CEP350: variants seen among roughly 807,000 people sequenced by gnomAD.
CEP350 encodes centrosome-associated protein 350.
A neutral mutation model predicts 331.8 loss-of-function variants in CEP350; 126 were observed. The observed-to-expected ratio is 0.38, with a 90% confidence interval of 0.33 to 0.44. CEP350 has a LOEUF of 0.44. Among genes scored for constraint, CEP350 ranks in the 20% least tolerant of loss-of-function variants. The pLI is 1.00. For synonymous variants in CEP350, 1,200 were observed against 1,259.5 expected, an observed-to-expected ratio of 0.95 and a Z score of 1.00; for missense variants, 3,406 against 3,634.6, an observed-to-expected ratio of 0.94 and a Z score of 1.62.
At chr1:179,971,769 A>G (rs971401323) in intron 1 of CEP350, among the ~76,000 whole-genome samples, 2 of 152,202 alleles carry the variant, frequency 1.3e-5, no homozygotes, top group African/African-American at 2.4e-5. Flanking sequence ...GTTTGCATTC[A>G]GTCTGCTGTG....
intron 5 of CEP350, 107 bp from the exon 6 acceptor site, chr1:179,996,446 A>G: frequency 1.3e-6 from 1 of 763,640 alleles, no homozygotes; most frequent in Non-Finnish European, 2.1e-6. Context: ...GTATTACCTC[A>G]TTCTTATTTT....
In CEP350 at chr1:180,087,707, C is replaced by G; in HGVS notation, c.6415C>G (p.Pro2139Ala). The change falls in exon 32 of 38, where the codon CCA (proline) becomes GCA (alanine). Residue 2139 changes from proline (P) to alanine (A), a missense_variant. By Grantham distance (27) the Pro-to-Ala change is conservative. Transcript: ENST00000367607. ...AAAACCCAAGATCAAACCCCTCACA[C>G]CACTACACAGGTAGAAATTTTTGAT... ...SEKPKIKPLT[P>A]LHRSETAKNW... 6.5e-7 allele frequency: 1 copy of G among 1,542,688 alleles called. No homozygotes were observed. Among genetic ancestry groups the G allele is most frequent in the Non-Finnish European group, 8.7e-7 (1 of 1,144,688 alleles).
chr1:179,970,669 A>G (rs1027286700), intron 1 of CEP350, among the ~76,000 whole-genome samples: 46 of 152,160 alleles, frequency 3.0e-4, no homozygotes, highest in African/African-American at 1.1e-3. Context: ...AATGCCTGGC[A>G]CTTAGTAGGA....
At chr1:180,036,862 A>G in intron 16 of CEP350, 64 bp from the exon 17 acceptor site, 1 of 1,421,782 alleles carries the variant, frequency 7.0e-7, no homozygotes, top group Non-Finnish European at 9.2e-7. Context: ...AAAATGACAG[A>G]TTTTAGAAAT....
chr1:179,974,469 G>A (rs752713854), intron 1 of CEP350, among the ~76,000 whole-genome samples: 12 of 151,882 alleles, frequency 7.9e-5, no homozygotes, highest in Admixed American at 5.9e-4. Flanking sequence ...ATCTCTAGAT[G>A]GGTAAGAAGA....
chr1:179,955,190 T>C (rs986633545), intron 1 of CEP350, 48 bp downstream of exon 1: 4 of 1,302,984 alleles, frequency 3.1e-6, no homozygotes, highest in South Asian at 2.9e-5. Context: ...TCGCTCAGCC[T>C]CAACTGTCTC....
At position 180,062,275 on chromosome 1, in the gene CEP350, T is replaced by G; in HGVS notation, c.5318T>G (p.Leu1773Arg). The G allele has an allele frequency of 6.2e-7, 1 of 1,610,934 alleles. No homozygotes were observed. The highest frequency in any genetic ancestry group is 8.5e-7 in the Non-Finnish European group (1 of 1,178,342). The part of the protein sequence containing the change: ...ANKAARKERQ[L>R]ILKQQEEIEK... ...AAGGCAGCTCGGAAGGAAAGACAGC[T>G]GATTCTTAAACAGCAGGAGGAGATA... Residue 1773 changes from leucine to arginine, a missense_variant, in exon 26 of 38, where the codon CTG becomes CGG. This residue lies in a region of CEP350 where 1,415 missense variants were observed against 1,512.3 expected (regional missense o/e 0.94). Coordinates refer to ENST00000367607, the MANE Select transcript of CEP350 (RefSeq NM_014810.5).
chr1:180,070,913 G>A (rs1658837210), intron 27 of CEP350, among the ~76,000 whole-genome samples: 1 of 152,128 alleles, frequency 6.6e-6, no homozygotes, highest in Admixed American at 6.5e-5. Flanking sequence ...ACTTTGGGAG[G>A]CCGAGGTGGG....
At position 180,014,430 on chromosome 1, in the gene CEP350, A is replaced by G; in HGVS notation, c.1977A>G (p.Glu659=). The part of the protein sequence containing the change: ...SEPSATRRLQ[E]TYSKLLLEKT... ...CATCAGCAACTAGGCGACTACAGGAAACTTACTCCAAATTGCTACTAGAAA... is the reference window on the plus strand; with the variant it reads ...CATCAGCAACTAGGCGACTACAGGAGACTTACTCCAAATTGCTACTAGAAA... The change falls in exon 10 of 38, where the codon GAA becomes GAG. Residue 659 remains glutamate (E), a synonymous_variant. Transcript: ENST00000367607. 2 of 1,609,276 alleles carry G rather than the reference A, an allele frequency of 1.2e-6. No homozygotes were observed. Among genetic ancestry groups the G allele is most frequent in the South Asian group, 2.2e-5 (2 of 89,654 alleles).
chr1:179,991,553 G>A (rs796705370), intron 4 of CEP350, among the ~76,000 whole-genome samples: 24 of 151,672 alleles, frequency 1.6e-4, no homozygotes, highest in African/African-American at 5.8e-4. Context: ...CTCCCAAAGT[G>A]CAGGGATTAC....
chr1:180,080,435 A>T, intron 29 of CEP350, 82 bp from the exon 30 acceptor site: 1 of 1,192,944 alleles, frequency 8.4e-7, no homozygotes, highest in African/African-American at 1.5e-5. Context: ...TGTTATCTTT[A>T]TATGGCTAGT....
rs888454186 is a variant in CEP350, at chr1:180,031,404, C to G, written c.3635C>G (p.Ser1212Cys). 1.9e-6 allele frequency: 3 copies of G among 1,606,812 alleles called. No individual in the cohort carries two copies. In the African/African-American group the frequency reaches 4.0e-5, roughly 22 times the overall value. Residue 1212 changes from serine to cysteine, a missense_variant, in exon 15 of 38, where the codon TCT becomes TGT. By Grantham distance (112) the Ser-to-Cys change is moderately radical. This residue lies in a region of CEP350 where 1,857 missense variants were observed against 1,909.2 expected (regional missense o/e 0.97). Coordinates refer to ENST00000367607, the MANE Select transcript of CEP350 (RefSeq NM_014810.5). ...AERGSHQGKK[S>C]GTSSKLSVKD... Reference sequence around the variant, plus strand: ...CGTGGCTCCCATCAAGGAAAGAAATCTGGGACCAGCAGCAAACTTTCTGTT... The same window carrying G: ...CGTGGCTCCCATCAAGGAAAGAAATGTGGGACCAGCAGCAAACTTTCTGTT...
intron 1 of CEP350, among the ~76,000 whole-genome samples, chr1:179,985,315 T>C (rs552692705): frequency 2.0e-4 from 30 of 152,364 alleles, no homozygotes; most frequent in South Asian, 1.2e-3. Context: ...TTTCATGTTA[T>C]AGCACATATC....
At chr1:180,102,397 A>G (rs2149172553) in intron 37 of CEP350, among the ~76,000 whole-genome samples, 1 of 152,254 alleles carries the variant, frequency 6.6e-6, no homozygotes, top group East Asian at 1.9e-4. Flanking sequence ...CGGCCTCCCA[A>G]AGTGCTGGGA....
Position 180,093,305 on chromosome 1 carries a change from A to T in CEP350, c.7200A>T (p.Ser2400=), listed in dbSNP as rs1407887227. 1 of 1,598,064 alleles carries T rather than the reference A, an allele frequency of 6.3e-7. No individual in the cohort carries two copies. Among genetic ancestry groups the T allele is most frequent in the African/African-American group, 1.3e-5 (1 of 74,760 alleles). Residue 2400 remains serine, a synonymous_variant, in exon 34 of 38, where the codon TCA becomes TCT. Coordinates refer to ENST00000367607, the MANE Select transcript of CEP350 (RefSeq NM_014810.5). ...TGTACAAAGATGATTTTGAGGTGTCATCTTTGCTGTCACTCAGGAAAGACT... is the reference window on the plus strand; with the variant it reads ...TGTACAAAGATGATTTTGAGGTGTCTTCTTTGCTGTCACTCAGGAAAGACT... ...AELYKDDFEV[S]SLLSLRKDSQ... is the part of the protein sequence containing the mutation.
At chr1:180,063,255 A>G (rs1269125489) in intron 26 of CEP350, among the ~76,000 whole-genome samples, 1 of 149,492 alleles carries the variant, frequency 6.7e-6, no homozygotes, top group Non-Finnish European at 1.5e-5. Context: ...AAATGGTGCA[A>G]TCACAGCTCA....
chr1:180,083,480 G>A (rs1659686617), intron 30 of CEP350, among the ~76,000 whole-genome samples: 1 of 152,130 alleles, frequency 6.6e-6, no homozygotes, highest in South Asian at 2.1e-4. Context: ...GATTACAGCA[G>A]AGTCTATTTC....
chr1:180,027,194 A>T (rs983945343), intron 14 of CEP350, among the ~76,000 whole-genome samples: 1 of 152,172 alleles, frequency 6.6e-6, no homozygotes, highest in African/African-American at 2.4e-5. Context: ...CCTTCCAGAC[A>T]ATTTGTAGGC....
At position 180,087,638 on chromosome 1, in the gene CEP350, C is replaced by G; in HGVS notation, c.6346C>G (p.Pro2116Ala). The change falls in exon 32 of 38, where the codon CCA becomes GCA. Residue 2116 changes from proline (P) to alanine (A), a missense_variant. Coordinates refer to ENST00000367607, the MANE Select transcript of CEP350 (RefSeq NM_014810.5). ...AELSQDLETS[P>A]TAKPQIKTLS... ...GCTTAGCCAAGATTTGGAAACATCA[C>G]CAACAGCCAAGCCTCAGATTAAAAC... 6.4e-7 allele frequency: 1 copy of G among 1,559,980 alleles called. No homozygotes were observed.
Sources: gnomAD v4.1 joint callset for allele counts (sites outside exome capture counted in the v4.1 genomes callset) on GRCh38, gnomAD v4.1.1 for gene constraint, gnomAD v4.1.1 regional missense constraint, MANE v1.5 for transcripts, NCBI Gene and HGNC (gene_info 2026-07-23, HGNC 2026-07-21) for gene names.